Variants in AKR1E2 observed in about 807,000 individuals in gnomAD.
AKR1E2 encodes the protein 1,5-anhydro-D-fructose reductase.
AKR1E2 carries 43 observed loss-of-function variants against 41.9 expected under a neutral mutation model. The observed-to-expected ratio is 1.03, with a 90% CI of 0.80 to 1.32. The LOEUF (loss-of-function observed/expected upper bound fraction) is 1.32. Among genes scored for constraint, AKR1E2 ranks in the 40% most tolerant of loss-of-function variants. AKR1E2 has a pLI of 0.00. For synonymous variants in AKR1E2, 121 were observed against 138.9 expected, an observed-to-expected ratio of 0.87 and a Z score of 0.91; for missense variants, 423 against 396.5, an observed-to-expected ratio of 1.07 and a Z score of -0.57.
At chr10:4,833,287 C>T in intron 2 of AKR1E2, 63 bp from the exon 3 acceptor site, 1 of 1,329,310 alleles carries the variant, frequency 7.5e-7, no homozygotes, top group Non-Finnish European at 1.1e-6. Context: ...TGTGGGGCTA[C>T]AGAATGGGTG....
At chr10:4,862,978 C>G in the AKR1E2 span, among the ~76,000 whole-genome samples, 1 of 152,092 alleles carries the variant, frequency 6.6e-6, no homozygotes, top group African/African-American at 2.4e-5. Flanking sequence ...TAGAGACCTA[C>G]AAAGAGACTT....
downstream of AKR1E2, among the ~76,000 whole-genome samples, chr10:4,852,689 T>G (rs4242773): frequency 0.89 from 135,812 of 152,116 alleles, 61,534 homozygotes; most frequent in East Asian, 0.98. Context: ...AGAGATGGAT[T>G]GGCAAGGTCT....
Position 4,845,643 on chromosome 10 carries a change from G to T in AKR1E2, c.838-1505G>T, listed in dbSNP as rs1834278337. On this transcript the variant is annotated intron_variant, in intron 8 of 9. Coordinates refer to ENST00000298375, the MANE Select transcript of AKR1E2 (RefSeq NM_001040177.3). The stretch of plus-strand genomic sequence containing the variant: ...CACCGAGTGAGCAGCTCAGCAGGTG[G>T]CAGGGGGCCACATCGCCCCAGTTCT... 3.8e-5 allele frequency: 17 copies of T among 445,090 alleles called. 1 individual carries two copies. The highest frequency in any genetic ancestry group is 2.8e-4 in the South Asian group (17 of 60,426). The allele number at this position is 445,090 out of a possible 1,614,324, so 27.6% of individuals were successfully genotyped here.
the AKR1E2 span, among the ~76,000 whole-genome samples, chr10:4,863,907 C>T: frequency 6.6e-6 from 1 of 152,066 alleles, no homozygotes; most frequent in Non-Finnish European, 1.5e-5. Context: ...CAAGACTAAA[C>T]CAGGAAGAAG....
chr10:4,830,984 G>A, intron 2 of AKR1E2, 142 bp downstream of exon 2: 3 of 1,087,582 alleles, frequency 2.8e-6, no homozygotes, highest in Non-Finnish European at 2.6e-6. Flanking sequence ...TCATGAGCAT[G>A]CTGAATTATA....
At chr10:4,841,270 C>T (rs1833851037) in intron 6 of AKR1E2, among the ~76,000 whole-genome samples, 1 of 152,202 alleles carries the variant, frequency 6.6e-6, no homozygotes, top group South Asian at 2.1e-4. Context: ...GTTCTCAGGG[C>T]CCACCCGTGC....
At chr10:4,863,773 G>C in the AKR1E2 span, among the ~76,000 whole-genome samples, 1 of 152,246 alleles carries the variant, frequency 6.6e-6, no homozygotes, top group Admixed American at 6.5e-5. Context: ...AAATGATAAA[G>C]GGGATATCAC....
At chr10:4,870,946 C>G in the AKR1E2 span, among the ~76,000 whole-genome samples, 3 of 152,038 alleles carry the variant, frequency 2.0e-5, no homozygotes, top group Admixed American at 6.6e-5. Flanking sequence ...TGTTATAGTT[C>G]TACAAGTCCT....
At chr10:4,870,351 C>T in the AKR1E2 span, among the ~76,000 whole-genome samples, 2 of 152,036 alleles carry the variant, frequency 1.3e-5, no homozygotes, top group Non-Finnish European at 2.9e-5. Context: ...GAACAATCTA[C>T]TGCGTTTACC....
chr10:4,850,063 G>A (rs987566991), downstream of AKR1E2, among the ~76,000 whole-genome samples: 2 of 152,204 alleles, frequency 1.3e-5, no homozygotes, highest in Non-Finnish European at 2.9e-5. Flanking sequence ...CTTTTCAGAT[G>A]GTAATTGATA....
chr10:4,828,949 A>G (rs1214094415), intron 1 of AKR1E2, among the ~76,000 whole-genome samples: 1 of 152,134 alleles, frequency 6.6e-6, no homozygotes, highest in Non-Finnish European at 1.5e-5. Flanking sequence ...AATTTGTGTT[A>G]CATTTGTTTG....
At chr10:4,851,282 C>G (rs944822941), downstream of AKR1E2, among the ~76,000 whole-genome samples, 1 of 152,220 alleles carries the variant, frequency 6.6e-6, no homozygotes, top group East Asian at 1.9e-4. Flanking sequence ...AATCAACTAT[C>G]CAGACCTAGG....
rs4480435 is a variant in AKR1E2 at position 4,842,052 on chromosome 10, C to T, written c.753+195C>T. 0.035 allele frequency among the ~76,000 whole-genome samples: 5,306 copies of T among 152,312 alleles called. 150 individuals carry two copies. Among genetic ancestry groups the T allele is most frequent in the East Asian group, 0.11 (593 of 5,180 alleles). On this transcript the variant is annotated intron_variant, in intron 7 of 9. Coordinates refer to ENST00000298375, the MANE Select transcript of AKR1E2 (RefSeq NM_001040177.3). ...TAGTCACTCAAGCCATGTACTCTTG[C>T]CTCCGAGCCTGTCTAGACTCAGAGG...
At chr10:4,866,679 C>G in the AKR1E2 span, among the ~76,000 whole-genome samples, 1 of 131,036 alleles carries the variant, frequency 7.6e-6, no homozygotes, top group East Asian at 2.7e-4. Context: ...GTCTCGCTGT[C>G]GCCCAGGCTG....
intron 2 of AKR1E2, among the ~76,000 whole-genome samples, chr10:4,831,632 G>C (rs1228825328): frequency 1.3e-5 from 2 of 152,140 alleles, no homozygotes; most frequent in African/African-American, 4.8e-5. Context: ...TAGGGATTAT[G>C]GGAGCTACAA....
intron 4 of AKR1E2, among the ~76,000 whole-genome samples, chr10:4,836,453 C>G (rs775748242): frequency 2.0e-4 from 30 of 152,256 alleles, no homozygotes; most frequent in Non-Finnish European, 1.6e-4. Context: ...CATGGCTGAC[C>G]GAGCACGTGT....
chr10:4,847,205 A>G lies in AKR1E2; in HGVS notation c.895A>G (p.Asn299Asp). 1 of 1,614,194 alleles carries G rather than the reference A, an allele frequency of 6.2e-7. No individual in the cohort carries two copies. The highest frequency in any genetic ancestry group is 8.5e-7 in the Non-Finnish European group (1 of 1,180,026). Residue 299 changes from asparagine to aspartate, a missense_variant, in exon 9 of 10, where the codon AAT becomes GAT. Physicochemically the swap from Asn to Asp is conservative, Grantham distance 23. Transcript: ENST00000298375. The stretch of plus-strand genomic sequence containing the variant: ...GGATAACATCCTCAGCCTAAACAGG[A>G]ATCTCCGACTGGCCATGTTCCCCAT... ...DMDNILSLNR[N>D]LRLAMFPITK...
chr10:4,847,182 A>G lies in AKR1E2; in HGVS notation c.872A>G (p.Asp291Gly). 1.2e-6 allele frequency: 2 copies of G among 1,614,218 alleles called. No homozygotes were observed. The highest frequency in any genetic ancestry group is 1.7e-6 in the Non-Finnish European group (2 of 1,180,038). Residue 291 changes from aspartate (D) to glycine (G), a missense_variant, in exon 9 of 10, where the codon GAT becomes GGT. By Grantham distance (94) the Asp-to-Gly change is moderately conservative. Coordinates refer to ENST00000298375, the MANE Select transcript of AKR1E2 (RefSeq NM_001040177.3). ...FDFELTQHDM[D>G]NILSLNRNLR... is the part of the protein sequence containing the mutation. The stretch of plus-strand genomic sequence containing the variant: ...TTTGAATTAACACAGCACGATATGG[A>G]TAACATCCTCAGCCTAAACAGGAAT...
At chr10:4,851,724 G>C (rs78793637), downstream of AKR1E2, among the ~76,000 whole-genome samples, 3,606 of 152,254 alleles carry the variant, frequency 0.024, 59 homozygotes, top group East Asian at 0.073. Context: ...CCAAGGAATA[G>C]AGAAGTTAAG....
Sources: allele counts gnomAD v4.1 joint callset (sites outside exome capture counted in the v4.1 genomes callset), GRCh38; gene constraint gnomAD v4.1.1; transcripts MANE v1.5; gene names NCBI Gene and HGNC (gene_info 2026-07-23, HGNC 2026-07-21).